MARK1: variants seen among roughly 807,000 people sequenced by gnomAD.
MARK1 encodes the protein serine/threonine-protein kinase MARK1.
In MARK1, 40 loss-of-function variants were observed where a neutral mutation model predicts 96.3. The observed-to-expected ratio is 0.42, with a 90% CI of 0.32 to 0.54. The LOEUF (loss-of-function observed/expected upper bound fraction) is 0.54. Ranked by LOEUF, MARK1 falls within the 20% of genes least tolerant of loss-of-function variation. The pLI, the probability that MARK1 is intolerant of heterozygous loss-of-function variation, is 0.16. For missense variants in MARK1, 719 were observed against 984.6 expected (o/e 0.73, Z 3.61); for synonymous variants, 317 against 341.2 (o/e 0.93, Z 0.78).
chr1:220,594,717 C>T (rs762543058), intron 3 of MARK1, among the ~76,000 whole-genome samples: 8 of 151,942 alleles, frequency 5.3e-5, no homozygotes, highest in Non-Finnish European at 5.9e-5. Flanking sequence ...TATCAAGCTA[C>T]GAAAAAACTT....
intron 17 of MARK1, among the ~76,000 whole-genome samples, chr1:220,659,745 C>G (rs905612898): frequency 9.2e-5 from 14 of 152,132 alleles, no homozygotes; most frequent in Non-Finnish European, 1.9e-4. Context: ...TCCCTAAATT[C>G]TAGTCTTCAC....
At chr1:220,591,678 A>G (rs1664989773) in intron 3 of MARK1, among the ~76,000 whole-genome samples, 1 of 152,330 alleles carries the variant, frequency 6.6e-6, no homozygotes, top group African/African-American at 2.4e-5. Flanking sequence ...AACATTTAAC[A>G]CTTCTATTGT....
chr1:220,603,088 G>GT (rs1463078967), intron 5 of MARK1, among the ~76,000 whole-genome samples: 1 of 151,942 alleles, frequency 6.6e-6, no homozygotes, highest in South Asian at 2.1e-4. Flanking sequence ...TAAAGTCTGA[G>GT]TTTTTTTGTT....
chr1:220,583,268 A>G (rs149034006), intron 3 of MARK1, among the ~76,000 whole-genome samples: 4 of 152,178 alleles, frequency 2.6e-5, no homozygotes, highest in Non-Finnish European at 5.9e-5. Context: ...ATCTGAATTT[A>G]AGCTGATCCC....
intron 1 of MARK1, among the ~76,000 whole-genome samples, chr1:220,556,977 G>T (rs1662309038): frequency 6.6e-6 from 1 of 152,132 alleles, no homozygotes; most frequent in South Asian, 2.1e-4. Context: ...GTAAATTTTT[G>T]AGAGGCAGTA....
intron 9 of MARK1, among the ~76,000 whole-genome samples, chr1:220,624,419 G>C (rs1667207560): frequency 1.3e-5 from 2 of 151,518 alleles, no homozygotes; most frequent in South Asian, 4.2e-4. Flanking sequence ...GACCGACATG[G>C]AGAAACCCCG....
At chr1:220,530,399 G>T (rs552148594) in intron 1 of MARK1, among the ~76,000 whole-genome samples, 2 of 152,192 alleles carry the variant, frequency 1.3e-5, no homozygotes, top group East Asian at 1.9e-4. Flanking sequence ...AGTTGGCACA[G>T]AATTTTTCTA....
intron 13 of MARK1, among the ~76,000 whole-genome samples, chr1:220,641,842 G>A (rs1668289126): frequency 6.6e-6 from 1 of 152,212 alleles, no homozygotes; most frequent in South Asian, 2.1e-4. Context: ...CCCTCCCCGA[G>A]CCAAGAGAGG....
chr1:220,630,949 A>G, intron 9 of MARK1, 86 bp from the exon 10 acceptor site: 2 of 893,642 alleles, frequency 2.2e-6, no homozygotes, highest in South Asian at 3.1e-5. Flanking sequence ...TGAGTGAACT[A>G]GTAATTTTAC....
At chr1:220,591,577 G>C (rs1191913279) in intron 3 of MARK1, among the ~76,000 whole-genome samples, 1 of 152,170 alleles carries the variant, frequency 6.6e-6, no homozygotes, top group Non-Finnish European at 1.5e-5. Context: ...GCCAATTAGA[G>C]AGTACAAGTA....
rs564944920 is a variant in MARK1, at chr1:220,652,473, T to G, written c.1736+323T>G. Among the ~76,000 whole-genome samples, 12 of 152,348 alleles carry G rather than the reference T, an allele frequency of 7.9e-5. No individual in the cohort carries two copies. In the South Asian group the frequency reaches 2.5e-3, roughly 32 times the overall value. ...TTATTTAAACCATACGAACAAACAC[T>G]AGACTGTGAGTTGAGACCCGCAGAT... On this transcript the variant is annotated intron_variant, in intron 15 of 17. Transcript: ENST00000366917.
rs2102675416 is a variant in MARK1, at chr1:220,528,671, C to T, written c.-152C>T. ...TCCGCGTCCTCTTCCCTCTTTCCCC[C>T]GCCGGGGCCGCTTGTTGCACCGCCC... is the stretch of plus-strand genomic sequence containing the variant. On this transcript the variant is annotated 5_prime_UTR_variant, in exon 1 of 18. Transcript: ENST00000366917. The T allele has an allele frequency of 3.4e-6, 2 of 584,848 alleles. No individual in the cohort carries two copies. Among genetic ancestry groups the T allele is most frequent in the Non-Finnish European group, 5.7e-6 (2 of 349,858 alleles). 36.2% of individuals were successfully genotyped at this position (584,848 alleles called of 1,614,324 possible).
At chr1:220,639,570 G>A (rs1045253583) in intron 13 of MARK1, among the ~76,000 whole-genome samples, 2 of 152,012 alleles carry the variant, frequency 1.3e-5, no homozygotes, top group African/African-American at 4.8e-5. Context: ...TCTATTAGAG[G>A]CATTCTCAAA....
chr1:220,619,610 T>C (rs964972168), intron 9 of MARK1, among the ~76,000 whole-genome samples: 1 of 152,270 alleles, frequency 6.6e-6, no homozygotes, highest in Non-Finnish European at 1.5e-5. Context: ...ACATATGTTC[T>C]GTATGTGAGG....
intron 13 of MARK1, among the ~76,000 whole-genome samples, chr1:220,636,905 A>T (rs1352102413): frequency 6.6e-6 from 1 of 151,876 alleles, no homozygotes; most frequent in African/African-American, 2.4e-5. Context: ...TCCGTTTAAA[A>T]AAAAAAAAAA....
intron 3 of MARK1, among the ~76,000 whole-genome samples, chr1:220,590,776 A>G (rs1036408990): frequency 3.3e-5 from 5 of 152,178 alleles, no homozygotes; most frequent in Non-Finnish European, 7.3e-5. Flanking sequence ...TATCATTTTT[A>G]GTCAACACAC....
intron 13 of MARK1, 89 bp from the exon 14 acceptor site, chr1:220,650,531 A>G: frequency 1.3e-6 from 1 of 764,672 alleles, no homozygotes; most frequent in Non-Finnish European, 2.2e-6. Flanking sequence ...AATTCTGTGG[A>G]TTTTTCTCAA....
intron 13 of MARK1, among the ~76,000 whole-genome samples, chr1:220,637,331 A>G (rs1207155922): frequency 3.3e-5 from 5 of 152,228 alleles, no homozygotes; most frequent in Admixed American, 3.3e-4. Context: ...TTAAAGAAAT[A>G]TAAACAAACA....
At chr1:220,630,550 A>G (rs974396917) in intron 9 of MARK1, among the ~76,000 whole-genome samples, 2 of 151,934 alleles carry the variant, frequency 1.3e-5, no homozygotes, top group Non-Finnish European at 2.9e-5. Context: ...CCCTTCCCAC[A>G]TTATCTTAGC....
Sources: gnomAD v4.1 joint callset for allele counts (sites outside exome capture counted in the v4.1 genomes callset) on GRCh38, gnomAD v4.1.1 for gene constraint, MANE v1.5 for transcripts, NCBI Gene and HGNC (gene_info 2026-07-23, HGNC 2026-07-21) for gene names.